The following LRP1B variants were observed in gnomAD, a reference collection of about 807,000 sequenced individuals.
LRP1B encodes LDL receptor related protein 1B, also known as low-density lipoprotein receptor-related protein 1B.
In LRP1B, 217 loss-of-function variants were observed where a neutral mutation model predicts 556.6. That is an observed-to-expected ratio of 0.39 (90% CI 0.35 to 0.44). LRP1B has a LOEUF of 0.44. LRP1B is among the 20% of genes least tolerant of loss of function. The pLI is 1.00. For missense variants in LRP1B, 5,053 were observed against 5,620.8 expected, an observed-to-expected ratio of 0.90 and a Z score of 3.23; for synonymous variants, 2,047 against 1,865.8, an observed-to-expected ratio of 1.10 and a Z score of -2.50.
At chr2:140,391,495 GAAT>G (rs61618660) in intron 66 of LRP1B, among the ~76,000 whole-genome samples, 44,875 of 151,796 alleles carry the variant, frequency 0.3, 7,480 homozygotes, top group Non-Finnish European at 0.39. Flanking sequence ...TCATCAAACG[GAAT>G]AAGAGCTGTG....
At chr2:141,421,516 G>A (rs1332415367) in intron 3 of LRP1B, among the ~76,000 whole-genome samples, 4 of 112,130 alleles carry the variant, frequency 3.6e-5, no homozygotes, top group Non-Finnish European at 5.5e-5. Flanking sequence ...GCGACAGAGC[G>A]AGACTCTGTC....
chr2:141,890,952 T>C (rs1699271885), intron 1 of LRP1B, among the ~76,000 whole-genome samples: 1 of 152,108 alleles, frequency 6.6e-6, no homozygotes, highest in Non-Finnish European at 1.5e-5. Flanking sequence ...CACCTATTCT[T>C]TCAATCATCT....
Position 140,741,437 on chromosome 2 carries a change from C to G in LRP1B, c.5759-24621G>C, listed in dbSNP as rs374774280. ...AAGATGACAGAAAAATATGGAATATCTGTCCCAAGAGACTTACATTGCCAA... is the reference window on the plus strand; with the variant it reads ...AAGATGACAGAAAAATATGGAATATGTGTCCCAAGAGACTTACATTGCCAA... On this transcript the variant is annotated intron_variant, in intron 35 of 90. Transcript: ENST00000389484. 4.1e-4 allele frequency among the ~76,000 whole-genome samples: 63 copies of G among 152,216 alleles called. No individual in the cohort carries two copies. In the Middle Eastern group the frequency reaches 0.01, roughly 25 times the overall value.
intron 2 of LRP1B, among the ~76,000 whole-genome samples, chr2:141,582,936 C>T (rs138841247): frequency 0.079 from 11,509 of 145,424 alleles, 539 homozygotes; most frequent in South Asian, 0.2. Flanking sequence ...CCTGGGTTCA[C>T]GCCATTCTCC....
At chr2:141,093,645 A>T (rs1486142891) in intron 7 of LRP1B, among the ~76,000 whole-genome samples, 1 of 152,096 alleles carries the variant, frequency 6.6e-6, no homozygotes, top group African/African-American at 2.4e-5. Flanking sequence ...GTCTGAACAG[A>T]ATAGAATAAA....
intron 1 of LRP1B, among the ~76,000 whole-genome samples, chr2:142,052,443 T>C (rs1052158751): frequency 1.1e-4 from 17 of 152,162 alleles, no homozygotes; most frequent in Admixed American, 1.0e-3. Flanking sequence ...GATGAGTCAC[T>C]AACTTCTATG....
intron 1 of LRP1B, among the ~76,000 whole-genome samples, chr2:142,114,424 T>A (rs1162742698): frequency 6.6e-6 from 1 of 152,084 alleles, no homozygotes; most frequent in African/African-American, 2.4e-5. Context: ...AGAGTATATA[T>A]CTAAAAGAAA....
intron 18 of LRP1B, among the ~76,000 whole-genome samples, chr2:140,968,523 A>G (rs1193071528): frequency 5.8e-5 from 8 of 138,686 alleles, no homozygotes; most frequent in Admixed American, 5.1e-4. Context: ...TTGTGTCTCT[A>G]TCTCCTTCAA....
intron 35 of LRP1B, among the ~76,000 whole-genome samples, chr2:140,736,112 G>A (rs1372570877): frequency 6.6e-6 from 1 of 152,076 alleles, no homozygotes; most frequent in East Asian, 1.9e-4. Context: ...GATCTTCCCT[G>A]ATAGATGGTA....
intron 66 of LRP1B, 98 bp downstream of exon 66, chr2:140,442,406 T>G: frequency 6.8e-7 from 1 of 1,461,586 alleles, no homozygotes; most frequent in Non-Finnish European, 9.2e-7. Flanking sequence ...GGTAAGACCT[T>G]AGCTTCAAAA....
intron 1 of LRP1B, among the ~76,000 whole-genome samples, chr2:142,014,491 A>C (rs1034203243): frequency 6.6e-6 from 1 of 152,182 alleles, no homozygotes; most frequent in Non-Finnish European, 1.5e-5. Flanking sequence ...AAACTTTGAG[A>C]GTGAGTACTG....
intron 43 of LRP1B, among the ~76,000 whole-genome samples, chr2:140,582,168 T>A (rs1275323859): frequency 6.6e-6 from 1 of 152,200 alleles, no homozygotes; most frequent in Admixed American, 6.5e-5. Context: ...GTACCTTGGG[T>A]AAATTCTCTG....
intron 37 of LRP1B, among the ~76,000 whole-genome samples, chr2:140,703,063 A>C (rs1376255959): frequency 1.3e-5 from 2 of 152,146 alleles, no homozygotes; most frequent in African/African-American, 4.8e-5. Flanking sequence ...CTCCTTTAGC[A>C]CCAGGTAATT....
chr2:141,546,437 C>T (rs1685556865), intron 2 of LRP1B, among the ~76,000 whole-genome samples: 1 of 152,138 alleles, frequency 6.6e-6, no homozygotes, highest in Non-Finnish European at 1.5e-5. Flanking sequence ...CTCTTTTCTA[C>T]TTACCTGCTC....
In LRP1B at chr2:140,950,143, TC is replaced by T. The variant is rs1283534584; in HGVS notation, c.3136+91del. ...GTATATTCTTGCCTAATAAGCAATT[TC>T]TTTTTATACAATATTCTCTCTGTAA... On this transcript the variant is annotated intron_variant, in intron 20 of 90. Coordinates refer to ENST00000389484, the MANE Select transcript of LRP1B (RefSeq NM_018557.3). 20 of 741,460 alleles carry T rather than the reference TC, an allele frequency of 2.7e-5. No homozygotes were observed. In the Admixed American group the frequency reaches 7.7e-4, roughly 28 times the overall value. The allele number at this position is 741,460 out of a possible 1,614,324, so 45.9% of individuals were successfully genotyped here.
At chr2:140,459,820 C>G (rs981966076) in intron 60 of LRP1B, among the ~76,000 whole-genome samples, 1 of 151,992 alleles carries the variant, frequency 6.6e-6, no homozygotes, top group South Asian at 2.1e-4. Flanking sequence ...TTGCTATTCT[C>G]CTGCTAGTGA....
intron 11 of LRP1B, among the ~76,000 whole-genome samples, chr2:141,041,479 A>G (rs1456222281): frequency 6.6e-6 from 1 of 151,958 alleles, no homozygotes; most frequent in Non-Finnish European, 1.5e-5. Context: ...GCCTTGTATT[A>G]TGCCATCCTC....
At chr2:142,040,546 G>A (rs1704027685) in intron 1 of LRP1B, among the ~76,000 whole-genome samples, 1 of 150,628 alleles carries the variant, frequency 6.6e-6, no homozygotes, top group African/African-American at 2.4e-5. Flanking sequence ...AAAAAATAAG[G>A]TATGGGTTAT....
intron 1 of LRP1B, among the ~76,000 whole-genome samples, chr2:142,035,286 A>G (rs1304032813): frequency 2.6e-5 from 4 of 151,708 alleles, no homozygotes; most frequent in South Asian, 2.1e-4. Context: ...TGCTATATTA[A>G]GAAACACTAT....
Sources: allele counts gnomAD v4.1 joint callset (sites outside exome capture counted in the v4.1 genomes callset), GRCh38; gene constraint gnomAD v4.1.1; transcripts MANE v1.5; gene names NCBI Gene and HGNC (gene_info 2026-07-23, HGNC 2026-07-21).